ZNF106: variants seen among roughly 807,000 people sequenced by gnomAD.
The protein encoded by ZNF106 is zinc finger protein 106.
A neutral mutation model predicts 195.1 loss-of-function variants in ZNF106; 67 were observed. The ratio of observed to expected loss-of-function variants is 0.34; its 90% CI spans 0.28 to 0.42. The LOEUF (loss-of-function observed/expected upper bound fraction) is 0.42. ZNF106 is among the 10% of genes least tolerant of loss of function. The probability of loss-of-function intolerance (pLI) is 1.00; values close to 1 mark genes in which losing one functional copy is unlikely to be tolerated. For synonymous variants in ZNF106, 784 were observed against 818.6 expected (o/e 0.96, Z 0.72); for missense variants, 2,118 against 2,304.5 (o/e 0.92, Z 1.66).
At chr15:42,471,685 T>G (rs1439797927) in intron 2 of ZNF106, among the ~76,000 whole-genome samples, 1 of 152,150 alleles carries the variant, frequency 6.6e-6, no homozygotes, top group Non-Finnish European at 1.5e-5. Flanking sequence ...GAGCTGAGAT[T>G]GCGCCACTGC....
Position 42,439,477 on chromosome 15 carries a change from G to A in ZNF106, c.4100C>T (p.Ala1367Val), listed in dbSNP as rs1266401141. 1.2e-6 allele frequency: 2 copies of A among 1,613,970 alleles called. No homozygotes were observed. The highest frequency in any genetic ancestry group is 1.7e-6 in the Non-Finnish European group (2 of 1,180,040). The change falls in exon 11 of 22, where the codon GCT becomes GTT. Residue 1367 changes from alanine (A) to valine (V), a missense_variant. Transcript: ENST00000564754. ...CTTTTTCTTGCTTCCCCTAGTCTCA[G>A]CTGATGTCAAAGTGGATTCTGCCTG... ...EQQAESTLTS[A>V]ETRGSKKKKK...
chr15:42,467,244 C>T (rs2056541386), intron 2 of ZNF106, among the ~76,000 whole-genome samples: 1 of 152,148 alleles, frequency 6.6e-6, no homozygotes, highest in Non-Finnish European at 1.5e-5. Flanking sequence ...AGCCAGTATG[C>T]CATAATTAAA....
chr15:42,425,804 T>C (rs556640354), intron 15 of ZNF106: 115 of 152,396 alleles, frequency 7.5e-4, no homozygotes, highest in Admixed American at 2.1e-3. Flanking sequence ...TTCTCCACCT[T>C]ATTATGATGT....
At chr15:42,441,195 T>G in intron 10 of ZNF106, among the ~76,000 whole-genome samples, 1 of 143,122 alleles carries the variant, frequency 7.0e-6, no homozygotes, top group Non-Finnish European at 1.5e-5. Flanking sequence ...AAAAAAAAAT[T>G]AGCCGGGCAT....
intron 2 of ZNF106, among the ~76,000 whole-genome samples, chr15:42,470,200 A>G (rs1234974950): frequency 1.3e-5 from 2 of 152,178 alleles, no homozygotes; most frequent in South Asian, 2.1e-4. Context: ...TTTTATGTTA[A>G]TGGGCCTCAG....
At chr15:42,422,696 G>T in intron 17 of ZNF106, 76 bp from the exon 18 acceptor site, 2 of 1,472,770 alleles carry the variant, frequency 1.4e-6, no homozygotes, top group South Asian at 1.4e-5. Flanking sequence ...ATAATTCTAA[G>T]AGGCATAATT....
chr15:42,472,826 A>G (rs539228973), intron 1 of ZNF106, among the ~76,000 whole-genome samples: 2 of 152,224 alleles, frequency 1.3e-5, no homozygotes, highest in East Asian at 1.9e-4. Flanking sequence ...CCTGGCCAAC[A>G]TGGTGAAACC....
rs1413344281 is a variant in ZNF106 at position 42,451,559 on chromosome 15, C to A, written c.713G>T (p.Ser238Ile). 6.2e-7 allele frequency: 1 copy of A among 1,614,172 alleles called. No homozygotes were observed. Among genetic ancestry groups the A allele is most frequent in the Non-Finnish European group, 8.5e-7 (1 of 1,180,020 alleles). ...TCCGTTACTGTTGTTCATATGCCAA[C>A]TGGAAAAGCCACCTGTTCCTTCAGA... is the stretch of plus-strand genomic sequence containing the variant. The part of the protein sequence containing the change: ...WLSEGTGGFS[S>I]WHMNNSNGNW... Residue 238 changes from serine to isoleucine, a missense_variant, in exon 5 of 22, where the codon AGT becomes ATT. Physicochemically the swap from Ser to Ile is moderately radical, Grantham distance 142 (BLOSUM62 -2). Transcript: ENST00000564754.
intron 14 of ZNF106, among the ~76,000 whole-genome samples, chr15:42,428,986 C>G (rs544989408): frequency 3.3e-5 from 5 of 151,274 alleles, no homozygotes; most frequent in Non-Finnish European, 7.4e-5. Context: ...AGGATGGTCT[C>G]GATCTCCTGA....
rs142167624 is a variant in ZNF106 at position 42,465,259 on chromosome 15, G to T, written c.116+794C>A. On this transcript the variant is annotated intron_variant, in intron 3 of 21. Coordinates refer to ENST00000564754, the MANE Select transcript of ZNF106 (RefSeq NM_001366845.3). ...GATTTCCTTTCCTTAAACATCTCAA[G>T]CTTCAAATCACAGAATAGCATCCTT... Among the ~76,000 whole-genome samples, 130 of 151,548 alleles carry T rather than the reference G, an allele frequency of 8.6e-4. 1 individual carries two copies. Among genetic ancestry groups the T allele is most frequent in the African/African-American group, 3.0e-3 (124 of 41,314 alleles).
intron 2 of ZNF106, among the ~76,000 whole-genome samples, chr15:42,469,379 C>A (rs2056611790): frequency 6.6e-6 from 1 of 152,158 alleles, no homozygotes. Flanking sequence ...AAAACTGATT[C>A]TTCTTACTAT....
At chr15:42,471,000 T>G (rs925594487) in intron 2 of ZNF106, among the ~76,000 whole-genome samples, 4 of 152,234 alleles carry the variant, frequency 2.6e-5, no homozygotes, top group Non-Finnish European at 1.5e-5. Flanking sequence ...TGGTGGATCA[T>G]AATCGACCCT....
Position 42,460,948 on chromosome 15 carries a change from T to C in ZNF106, c.117-3790A>G, listed in dbSNP as rs2056377701. Among the ~76,000 whole-genome samples the C allele has an allele frequency of 2.0e-5, 3 of 150,866 alleles. No individual in the cohort carries two copies. The South Asian group carries it at 6.2e-4, about 31-fold the overall frequency. ...CTTATAAATAAAATCCAGTTTAAAA[T>C]AGAAACTTTGCAAGAAACTTCAAAA... On this transcript the variant is annotated intron_variant, in intron 3 of 21. Transcript: ENST00000564754.
chr15:42,463,626 AAAAAATAAAAGCC>A (rs577193319), intron 3 of ZNF106, among the ~76,000 whole-genome samples: 9 of 152,276 alleles, frequency 5.9e-5, no homozygotes, highest in East Asian at 1.9e-4. Context: ...CTGTCTTTAC[AAAAAATAAAAGCC>A]AAAAATAAAA....
At position 42,439,598 on chromosome 15, in the gene ZNF106, AC is replaced by A; in HGVS notation, c.3978del (p.Ser1327LeufsTer9). 1 of 1,614,060 alleles carries A rather than the reference AC, an allele frequency of 6.2e-7. No individual in the cohort carries two copies. The part of the protein sequence containing the change: ...EGEEPTKGNS[G>X]SEACTSSFLR... ...AGAAAAGAACTGGTACAGGCTTCAG[AC>A]CCACTATTGCCTTTGGTTGGCTCTT... On this transcript the variant is annotated frameshift_variant, in exon 11 of 22. Transcript: ENST00000564754. LOFTEE classifies it high-confidence loss of function.
chr15:42,474,478 G>A (rs193028893), intron 1 of ZNF106, among the ~76,000 whole-genome samples: 13 of 152,268 alleles, frequency 8.5e-5, no homozygotes, highest in Admixed American at 8.5e-4. Context: ...AGGGTTTGAG[G>A]CCAGGCACAG....
At chr15:42,442,875 C>A (rs1461466057) in intron 9 of ZNF106, among the ~76,000 whole-genome samples, 1 of 152,062 alleles carries the variant, frequency 6.6e-6, no homozygotes, top group Non-Finnish European at 1.5e-5. Flanking sequence ...CCTCCACCTC[C>A]CGGGTCCAAG....
At chr15:42,432,107 T>A (rs767251404) in intron 14 of ZNF106, among the ~76,000 whole-genome samples, 5 of 152,212 alleles carry the variant, frequency 3.3e-5, no homozygotes, top group Non-Finnish European at 7.3e-5. Flanking sequence ...ATCTTTCGGG[T>A]GTGCTGACTC....
intron 1 of ZNF106, among the ~76,000 whole-genome samples, chr15:42,479,445 C>A (rs1389561024): frequency 1.3e-5 from 2 of 152,138 alleles, no homozygotes; most frequent in African/African-American, 2.4e-5. Context: ...TTCAACTATA[C>A]TGAGAATTAC....
Sources: allele counts gnomAD v4.1 joint callset (sites outside exome capture counted in the v4.1 genomes callset), GRCh38; gene constraint gnomAD v4.1.1; transcripts MANE v1.5; gene names NCBI Gene and HGNC (gene_info 2026-07-23, HGNC 2026-07-21).